BCL11A: variants seen among roughly 807,000 people sequenced by gnomAD.
BCL11A encodes the protein B cell CLL/lymphoma 11A.
A neutral mutation model predicts 55.9 loss-of-function variants in BCL11A; 2 were observed. The observed-to-expected ratio is 0.04, with a 90% CI of 0.01 to 0.11. The LOEUF is 0.11. Among genes scored for constraint, BCL11A ranks in the 10% least tolerant of loss-of-function variants. BCL11A has a pLI of 1.00. For synonymous variants in BCL11A, 465 were observed against 473.4 expected (o/e 0.98, Z 0.23); for missense variants, 817 against 1,137.1 (o/e 0.72, Z 4.05).
intron 2 of BCL11A, among the ~76,000 whole-genome samples, chr2:60,510,579 G>A (rs1189274387): frequency 6.6e-6 from 1 of 152,126 alleles, no homozygotes; most frequent in East Asian, 1.9e-4. Flanking sequence ...CATATTTATT[G>A]GTGCATCTTC....
chr2:60,507,737 C>G (rs1186380261), intron 2 of BCL11A, among the ~76,000 whole-genome samples: 1 of 151,744 alleles, frequency 6.6e-6, no homozygotes, highest in Admixed American at 6.6e-5. Flanking sequence ...GTCTTCCAAA[C>G]AGCACAAGAC....
intron 2 of BCL11A, among the ~76,000 whole-genome samples, chr2:60,515,250 C>A (rs1223096016): frequency 6.6e-6 from 1 of 152,144 alleles, no homozygotes; most frequent in Non-Finnish European, 1.5e-5. Context: ...CACTTTCTCC[C>A]CAGGGAGGAA....
At position 60,461,143 on chromosome 2, in the gene BCL11A, A is replaced by C; in HGVS notation, c.1769T>G (p.Val590Gly). ...GTCTATGCGGTCCGACTCGCCGGCC[A>C]CCGAGTCTTCGTCGCAAGTGTCCCT... The part of the protein sequence containing the change: ...GHRDTCDEDS[V>G]AGESDRIDDG... The change falls in exon 4 of 4, where the codon GTG (valine) becomes GGG (glycine). Residue 590 changes from valine to glycine, a missense_variant. Transcript: ENST00000642384. 1 of 1,611,808 alleles carries C rather than the reference A, an allele frequency of 6.2e-7. No individual in the cohort carries two copies. The highest frequency in any genetic ancestry group is 8.5e-7 in the Non-Finnish European group (1 of 1,179,514).
rs1676144543 is a variant in BCL11A at position 60,460,018 on chromosome 2, T to A, written c.*386A>T. Reference sequence around the variant, plus strand: ...GCAACGAATTAGGGACAATTTAAAATAGCCATAACATACCATACATGCTGT... The same window carrying A: ...GCAACGAATTAGGGACAATTTAAAAAAGCCATAACATACCATACATGCTGT... On this transcript the variant is annotated 3_prime_UTR_variant, in exon 4 of 4. Coordinates refer to ENST00000642384, the MANE Select transcript of BCL11A (RefSeq NM_022893.4). 4.7e-6 allele frequency: 5 copies of A among 1,074,142 alleles called. No homozygotes were observed. The East Asian group carries it at 2.5e-4, about 53-fold the overall frequency. 66.5% of individuals were successfully genotyped at this position (1,074,142 alleles called of 1,614,324 possible).
chr2:60,510,105 T>A (rs2104474996), intron 2 of BCL11A, among the ~76,000 whole-genome samples: 1 of 152,244 alleles, frequency 6.6e-6, no homozygotes, highest in East Asian at 1.9e-4. Flanking sequence ...TGCCTAAAAT[T>A]TGCCTTCTGA....
At chr2:60,488,281 G>A (rs1388522999) in intron 2 of BCL11A, among the ~76,000 whole-genome samples, 1 of 152,224 alleles carries the variant, frequency 6.6e-6, no homozygotes, top group African/African-American at 2.4e-5. Flanking sequence ...CAGACTGTGA[G>A]AGGGGGAAGA....
chr2:60,481,865 A>T (rs980475357), intron 2 of BCL11A, among the ~76,000 whole-genome samples: 1 of 152,210 alleles, frequency 6.6e-6, no homozygotes, highest in Non-Finnish European at 1.5e-5. Context: ...GTGAATTGGG[A>T]AAGTGAATGG....
chr2:60,455,133 G>A (rs779304059), downstream of BCL11A, among the ~76,000 whole-genome samples: 4 of 152,040 alleles, frequency 2.6e-5, no homozygotes, highest in Admixed American at 1.3e-4. Context: ...TAGAATTTGC[G>A]GTATTCCTGT....
At chr2:60,476,895 G>C (rs1677637262) in intron 2 of BCL11A, among the ~76,000 whole-genome samples, 1 of 152,194 alleles carries the variant, frequency 6.6e-6, no homozygotes, top group Non-Finnish European at 1.5e-5. Context: ...CCATTAATGA[G>C]ATTTTTGTGT....
intron 1 of BCL11A, among the ~76,000 whole-genome samples, chr2:60,552,012 A>G (rs1384175892): frequency 1.3e-5 from 2 of 152,122 alleles, no homozygotes; most frequent in East Asian, 1.9e-4. Flanking sequence ...TCCAAAAAAT[A>G]GTAAGAGGAG....
downstream of BCL11A, among the ~76,000 whole-genome samples, chr2:60,456,647 C>T (rs1486430002): frequency 6.6e-6 from 1 of 151,970 alleles, no homozygotes; most frequent in African/African-American, 2.4e-5. Flanking sequence ...CAAAACAAAA[C>T]AAAACAAAAC....
intron 2 of BCL11A, among the ~76,000 whole-genome samples, chr2:60,505,022 G>A (rs149700637): frequency 7.2e-5 from 11 of 152,098 alleles, no homozygotes; most frequent in East Asian, 5.8e-4. Flanking sequence ...CTACCCCTGC[G>A]GCTGCATGAG....
At chr2:60,517,876 T>C (rs894411674) in intron 2 of BCL11A, among the ~76,000 whole-genome samples, 1 of 150,542 alleles carries the variant, frequency 6.6e-6, no homozygotes, top group African/African-American at 2.5e-5. Context: ...AAACTATCTA[T>C]GCTCAAAGAG....
In BCL11A at chr2:60,468,742, C is replaced by T. The variant is rs748775450; in HGVS notation, c.477G>A (p.Pro159=). ...TAAGGCTCAACTTACAAATACCCTGCGGGGCATATTCTGCACTCATCCCAG... is the reference window on the plus strand; with the variant it reads ...TAAGGCTCAACTTACAAATACCCTGTGGGGCATATTCTGCACTCATCCCAG... ...PTPGMSAEYA[P]QGICKDEPSS... is the part of the protein sequence containing the mutation. The change falls in exon 3 of 4, where the codon CCG becomes CCA. Residue 159 remains proline (P), a synonymous_variant. Transcript: ENST00000642384. 4.3e-6 allele frequency: 7 copies of T among 1,610,600 alleles called. No homozygotes were observed. The highest frequency in any genetic ancestry group is 4.0e-5 in the African/African-American group (3 of 74,800).
chr2:60,547,155 G>C (rs1670193949), intron 1 of BCL11A, among the ~76,000 whole-genome samples: 1 of 151,992 alleles, frequency 6.6e-6, no homozygotes, highest in South Asian at 2.1e-4. Context: ...AAACATGTTT[G>C]CACTTGGTGG....
At position 60,461,769 on chromosome 2, in the gene BCL11A, G is replaced by A. The variant is rs1267712017; in HGVS notation, c.1143C>T (p.Phe381=). 1 of 1,580,902 alleles carries A rather than the reference G, an allele frequency of 6.3e-7. No individual in the cohort carries two copies. ...TCTGAAATTTGAACGTCTTGCCGCA[G>A]AACTCGCATGACTTGGACTTGACCG... ...QPPVKSKSCE[F]CGKTFKFQSN... is the part of the protein sequence containing the mutation. The change falls in exon 4 of 4, where the codon TTC becomes TTT. Residue 381 remains phenylalanine (F), a synonymous_variant. Coordinates refer to ENST00000642384, the MANE Select transcript of BCL11A (RefSeq NM_022893.4).
intron 1 of BCL11A, among the ~76,000 whole-genome samples, chr2:60,550,406 C>G (rs562628285): frequency 1.3e-5 from 2 of 152,316 alleles, no homozygotes; most frequent in African/African-American, 4.8e-5. Context: ...TTTCCCCCCA[C>G]CCCCACCCTC....
chr2:60,539,160 T>C (rs1669806302), intron 2 of BCL11A, among the ~76,000 whole-genome samples: 1 of 152,262 alleles, frequency 6.6e-6, no homozygotes. Flanking sequence ...ACTAGCTGCA[T>C]ATTAAGCTTG....
chr2:60,535,053 T>A (rs768923911), intron 2 of BCL11A: 1 of 152,242 alleles, frequency 6.6e-6, no homozygotes, highest in African/African-American at 2.4e-5. Flanking sequence ...CGAATGTACA[T>A]GTTAATAGGC....
Sources: gnomAD v4.1 joint callset for allele counts (sites outside exome capture counted in the v4.1 genomes callset) on GRCh38, gnomAD v4.1.1 for gene constraint, MANE v1.5 for transcripts, NCBI Gene and HGNC (gene_info 2026-07-23, HGNC 2026-07-21) for gene names.